The following PTPRE variants were observed in gnomAD, a reference collection of about 807,000 sequenced individuals.
PTPRE encodes the protein receptor-type tyrosine-protein phosphatase epsilon.
PTPRE carries 51 observed loss-of-function variants against 102.0 expected under a neutral mutation model. That is an observed-to-expected ratio of 0.50 (90% confidence interval 0.40 to 0.63). The LOEUF is 0.63. Ranked by LOEUF, PTPRE falls within the 30% of genes least tolerant of loss-of-function variation. The pLI, the probability that PTPRE is intolerant of heterozygous loss-of-function variation, is 0.00. For missense variants in PTPRE, 752 were observed against 915.1 expected (o/e 0.82, Z 2.30); for synonymous variants, 345 against 348.2 (o/e 0.99, Z 0.10).
At chr10:128,077,052 AC>A (rs1176863465) in intron 18 of PTPRE, among the ~76,000 whole-genome samples, 1 of 152,122 alleles carries the variant, frequency 6.6e-6, no homozygotes, top group Non-Finnish European at 1.5e-5. Context: ...GAGCCCCCCA[AC>A]TGTCCCCATT....
intron 2 of PTPRE, among the ~76,000 whole-genome samples, chr10:128,027,399 C>T (rs923377590): frequency 1.3e-5 from 2 of 152,162 alleles, no homozygotes; most frequent in African/African-American, 2.4e-5. Flanking sequence ...CCCCTACTGA[C>T]CAGCACCCCA....
At chr10:128,073,493 G>T in intron 17 of PTPRE, 22 bp downstream of exon 17, 2 of 1,601,150 alleles carry the variant, frequency 1.2e-6, no homozygotes, top group Non-Finnish European at 1.7e-6. Context: ...CGCCCAGCCC[G>T]GTCCCTCCAG....
rs890257854 is a variant in PTPRE, at chr10:128,070,114, C to T, written c.1144-187C>T. 8.2e-6 allele frequency: 6 copies of T among 730,286 alleles called. No homozygotes were observed. The highest frequency in any genetic ancestry group is 1.8e-5 in the African/African-American group (1 of 56,308). The allele number at this position is 730,286 out of a possible 1,614,324, so 45.2% of individuals were successfully genotyped here. ...CACCAATGTGAGGCTCTGCTGCTAC[C>T]GTTCTCCTTACTCAAGGGCATAAAT... On this transcript the variant is annotated intron_variant, in intron 13 of 20. Coordinates refer to ENST00000254667, the MANE Select transcript of PTPRE (RefSeq NM_006504.6). This position sits in a 1 kb window ranked among gnomAD's most constrained non-coding sequence, Gnocchi z 4.8.
In PTPRE at chr10:128,020,550, C is replaced by A. The variant is rs192078470; in HGVS notation, c.-7-20325C>A. Reference sequence around the variant, plus strand: ...AACTAGATAACCCTGGACGTATTCTCTTCTTGGTTTATATTTTTTAAAAAG... The same window carrying A: ...AACTAGATAACCCTGGACGTATTCTATTCTTGGTTTATATTTTTTAAAAAG... On this transcript the variant is annotated intron_variant, in intron 2 of 20. Coordinates refer to ENST00000254667, the MANE Select transcript of PTPRE (RefSeq NM_006504.6). Among the ~76,000 whole-genome samples the A allele has an allele frequency of 5.3e-5, 8 of 152,302 alleles. No homozygotes were observed. The East Asian group carries it at 1.5e-3, about 29-fold the overall frequency.
At chr10:127,951,305 T>C (rs1472748910) in intron 1 of PTPRE, among the ~76,000 whole-genome samples, 1 of 152,208 alleles carries the variant, frequency 6.6e-6, no homozygotes, top group African/African-American at 2.4e-5. Flanking sequence ...GGAAGGACTC[T>C]GGTAGACTAC....
chr10:128,068,588 T>C, intron 12 of PTPRE: 1 of 234,154 alleles, frequency 4.3e-6, no homozygotes, highest in Admixed American at 5.4e-5. Context: ...GAATCCCAAG[T>C]CACCTCTGGG....
chr10:127,922,746 C>T (rs1351355790), intron 1 of PTPRE, among the ~76,000 whole-genome samples: 1 of 152,240 alleles, frequency 6.6e-6, no homozygotes, highest in African/African-American at 2.4e-5. Context: ...GAACTCTATA[C>T]CAAGGTGGGT....
chr10:127,954,341 C>T (rs930489361), intron 1 of PTPRE, among the ~76,000 whole-genome samples: 2 of 152,198 alleles, frequency 1.3e-5, no homozygotes, highest in African/African-American at 4.8e-5. Flanking sequence ...ATCTGCCAGC[C>T]TCCTGGTGGC....
chr10:128,061,977 A>C (rs1256247693), intron 9 of PTPRE, among the ~76,000 whole-genome samples: 1 of 151,522 alleles, frequency 6.6e-6, no homozygotes, highest in Non-Finnish European at 1.5e-5. Context: ...TGCGTCAGAT[A>C]ACCTTGAATT....
chr10:127,956,421 CAT>C, intron 1 of PTPRE, among the ~76,000 whole-genome samples: 1 of 152,280 alleles, frequency 6.6e-6, no homozygotes, highest in Middle Eastern at 3.4e-3. Flanking sequence ...AATCCCCTCT[CAT>C]ATGTCTATAT....
chr10:127,971,100 C>T (rs1015877514), intron 1 of PTPRE, among the ~76,000 whole-genome samples: 5 of 152,274 alleles, frequency 3.3e-5, no homozygotes, highest in African/African-American at 1.2e-4. Context: ...AGAGACCCTG[C>T]CTGTAAGTCT....
intron 1 of PTPRE, among the ~76,000 whole-genome samples, chr10:127,946,048 G>A (rs937229023): frequency 1.6e-4 from 25 of 152,144 alleles, no homozygotes; most frequent in African/African-American, 6.0e-4. Flanking sequence ...GATGGGCCAG[G>A]AGTAGATCCA....
chr10:127,937,520 C>T (rs976371069), intron 1 of PTPRE, among the ~76,000 whole-genome samples: 1 of 152,156 alleles, frequency 6.6e-6, no homozygotes, highest in African/African-American at 2.4e-5. Flanking sequence ...GGATCAATAT[C>T]TCGGTAGAGA....
intron 6 of PTPRE, among the ~76,000 whole-genome samples, chr10:128,054,138 A>G (rs552684161): frequency 6.6e-5 from 10 of 152,258 alleles, no homozygotes; most frequent in African/African-American, 2.2e-4. Flanking sequence ...CAGAGTTCCC[A>G]TATGCCCCCT....
rs563394309 is a variant in PTPRE, at chr10:127,949,741, C to A, written c.-30-32533C>A. ...AATCTTCTCTCCCGTAGCCACAGGGCTGAAATTGCTGAAAATCAAACACAA... is the reference window on the plus strand; with the variant it reads ...AATCTTCTCTCCCGTAGCCACAGGGATGAAATTGCTGAAAATCAAACACAA... On this transcript the variant is annotated intron_variant, in intron 1 of 20. Transcript: ENST00000254667. Among the ~76,000 whole-genome samples the A allele has an allele frequency of 2.0e-5, 3 of 152,232 alleles. No individual in the cohort carries two copies. The East Asian group carries it at 5.8e-4, about 30-fold the overall frequency.
At chr10:127,954,788 AGGAAT>A in intron 1 of PTPRE, among the ~76,000 whole-genome samples, 1 of 152,112 alleles carries the variant, frequency 6.6e-6, no homozygotes, top group East Asian at 1.9e-4. Flanking sequence ...ATCAAGGGTC[AGGAAT>A]GGAAATGGCA....
At chr10:127,996,525 G>A (rs1027477812) in intron 2 of PTPRE, among the ~76,000 whole-genome samples, 1 of 152,188 alleles carries the variant, frequency 6.6e-6, no homozygotes, top group East Asian at 1.9e-4. Flanking sequence ...CCTTCAGAAT[G>A]TATGCCCCTG....
chr10:128,052,543 C>T (rs755841373), intron 6 of PTPRE, among the ~76,000 whole-genome samples: 7 of 152,120 alleles, frequency 4.6e-5, no homozygotes, highest in Non-Finnish European at 7.4e-5. Flanking sequence ...CCTGGACATG[C>T]AACTGAATCC....
At chr10:128,064,353 C>T (rs919500350) in intron 10 of PTPRE, among the ~76,000 whole-genome samples, 9 of 152,242 alleles carry the variant, frequency 5.9e-5, no homozygotes, top group Non-Finnish European at 1.0e-4. Context: ...GAGGGCCACC[C>T]CTTTGCCCTT....
Sources: allele counts gnomAD v4.1 joint callset (sites outside exome capture counted in the v4.1 genomes callset), GRCh38; gene constraint gnomAD v4.1.1; non-coding constraint Gnocchi (gnomAD v3.1); transcripts MANE v1.5; gene names NCBI Gene and HGNC (gene_info 2026-07-23, HGNC 2026-07-21).